Variants in UNC5D observed in about 807,000 individuals in gnomAD.
The protein encoded by UNC5D is netrin receptor UNC5D.
Under a neutral mutation model 105.4 loss-of-function variants are expected in UNC5D, and 39 were observed. That is an observed-to-expected ratio of 0.37 (90% CI 0.29 to 0.48). The LOEUF (loss-of-function observed/expected upper bound fraction) is 0.48, where lower values mean the gene tolerates loss of function less well. Among genes scored for constraint, UNC5D ranks in the 20% least tolerant of loss-of-function variants. UNC5D has a pLI of 0.98. For missense variants in UNC5D, 991 were observed against 1,202.4 expected (o/e 0.82, Z 2.60); for synonymous variants, 452 against 450.4 (o/e 1.00, Z -0.04).
chr8:35,364,218 T>A (rs1473631494), intron 1 of UNC5D, among the ~76,000 whole-genome samples: 1 of 151,724 alleles, frequency 6.6e-6, no homozygotes, highest in Non-Finnish European at 1.5e-5. Context: ...TTTCTATATT[T>A]GTCACTTGGT....
chr8:35,464,012 C>A (rs1404078651), intron 1 of UNC5D, among the ~76,000 whole-genome samples: 1 of 152,152 alleles, frequency 6.6e-6, no homozygotes, highest in Non-Finnish European at 1.5e-5. Flanking sequence ...GATTTCTAAT[C>A]TTATACAGGT....
chr8:35,441,526 C>T (rs757285118), intron 1 of UNC5D, among the ~76,000 whole-genome samples: 1 of 151,774 alleles, frequency 6.6e-6, no homozygotes, highest in Non-Finnish European at 1.5e-5. Flanking sequence ...TAGTCTCCTC[C>T]ACTTCCTTTT....
chr8:35,433,662 A>G (rs1806802773), intron 1 of UNC5D, among the ~76,000 whole-genome samples: 1 of 151,992 alleles, frequency 6.6e-6, no homozygotes, highest in Admixed American at 6.6e-5. Context: ...TTTATAAACC[A>G]TCAGTACTCA....
At chr8:35,710,242 G>A (rs1028336596) in intron 8 of UNC5D, among the ~76,000 whole-genome samples, 1 of 152,136 alleles carries the variant, frequency 6.6e-6, no homozygotes, top group African/African-American at 2.4e-5. Flanking sequence ...GTAAAAATGG[G>A]TCATATTCTG....
chr8:35,271,714 T>C lies in UNC5D; in HGVS notation c.103+35827T>C, dbSNP rs1805391957. On this transcript the variant is annotated intron_variant, in intron 1 of 16. Coordinates refer to ENST00000404895, the MANE Select transcript of UNC5D (RefSeq NM_080872.4). ...ATGTATACATGTATACATATATATT[T>C]ATACATGTATACATGTATACATATA... 8.5e-5 allele frequency among the ~76,000 whole-genome samples: 4 copies of C among 46,834 alleles called. 1 individual carries two copies. The South Asian group carries it at 2.4e-3, about 28-fold the overall frequency. 30.7% of individuals were successfully genotyped at this position (46,834 alleles called of 152,430 possible). A position where few individuals can be genotyped will look rare whatever the true frequency, so the allele number is the denominator to read the frequency against.
Position 35,488,074 on chromosome 8 carries a change from AC to A in UNC5D, c.104-61217del, listed in dbSNP as rs957477840. ...GAGGAATTGATAAGCAAAAATCAGAACATGAAGATTTGGAAAATTCTCAGCC... is the reference window on the plus strand; with the variant it reads ...GAGGAATTGATAAGCAAAAATCAGAAATGAAGATTTGGAAAATTCTCAGCC... On this transcript the variant is annotated intron_variant, in intron 1 of 16. Transcript: ENST00000404895. Among the ~76,000 whole-genome samples, 9 of 152,358 alleles carry A rather than the reference AC, an allele frequency of 5.9e-5. No homozygotes were observed. The East Asian group carries it at 1.7e-3, about 29-fold the overall frequency.
chr8:35,598,096 G>A (rs577817966), intron 4 of UNC5D, among the ~76,000 whole-genome samples: 1 of 152,012 alleles, frequency 6.6e-6, no homozygotes, highest in Non-Finnish European at 1.5e-5. Context: ...TTTCTTAAAG[G>A]CTTACTCAGA....
chr8:35,574,223 C>T (rs73674030), intron 3 of UNC5D, among the ~76,000 whole-genome samples: 2,848 of 105,682 alleles, frequency 0.027, 109 homozygotes, highest in African/African-American at 0.081. Context: ...AACCCTTGGC[C>T]GGGCAAACTT....
chr8:35,511,937 G>A (rs879437786), intron 1 of UNC5D, among the ~76,000 whole-genome samples: 5 of 152,148 alleles, frequency 3.3e-5, no homozygotes, highest in Admixed American at 1.3e-4. Flanking sequence ...CGAAGGTGGA[G>A]ATGGTCTTGA....
chr8:35,253,473 CTTTTTTT>C (rs58063448), intron 1 of UNC5D, among the ~76,000 whole-genome samples: 2 of 99,824 alleles, frequency 2.0e-5, no homozygotes, highest in African/African-American at 7.7e-5. Flanking sequence ...ATTTTATTTC[CTTTTTTT>C]TTTTTTTTTT....
chr8:35,437,008 T>C (rs1807061789), intron 1 of UNC5D, among the ~76,000 whole-genome samples: 1 of 152,014 alleles, frequency 6.6e-6, no homozygotes, highest in South Asian at 2.1e-4. Flanking sequence ...TTTAGTCATT[T>C]TTTTTTTCAT....
At chr8:35,487,288 G>A (rs897573397) in intron 1 of UNC5D, among the ~76,000 whole-genome samples, 4 of 151,184 alleles carry the variant, frequency 2.6e-5, no homozygotes, top group African/African-American at 9.7e-5. Context: ...TTTCTGTGAA[G>A]GTGTGGTTTT....
chr8:35,694,470 G>A (rs1280753404), intron 7 of UNC5D, among the ~76,000 whole-genome samples: 2 of 152,106 alleles, frequency 1.3e-5, no homozygotes, highest in Non-Finnish European at 2.9e-5. Flanking sequence ...GAAGCCTCAG[G>A]GCTCTGCAGT....
chr8:35,786,477 G>A (rs1468583416), intron 16 of UNC5D, among the ~76,000 whole-genome samples: 1 of 152,082 alleles, frequency 6.6e-6, no homozygotes, highest in East Asian at 1.9e-4. Context: ...TCATTCTCCA[G>A]CCCTTCTCTT....
Position 35,463,932 on chromosome 8 carries a change from G to A in UNC5D, c.104-85360G>A, listed in dbSNP as rs561368370. Among the ~76,000 whole-genome samples the A allele has an allele frequency of 5.3e-5, 8 of 152,098 alleles. No homozygotes were observed. The South Asian group carries it at 8.3e-4, about 16-fold the overall frequency. On this transcript the variant is annotated intron_variant, in intron 1 of 16. Transcript: ENST00000404895. ...AATGTAAAGTGCTTAAAAAGTGGGC[G>A]GTAGAAAATGTGCAATAAAAGTTGG... is the stretch of plus-strand genomic sequence containing the variant.
chr8:35,394,939 G>T (rs560523932), intron 1 of UNC5D, among the ~76,000 whole-genome samples: 1 of 152,286 alleles, frequency 6.6e-6, no homozygotes, highest in Admixed American at 6.5e-5. Context: ...CAAGCAGAGT[G>T]CCCAGTGCTT....
At chr8:35,703,223 A>C (rs987961510) in intron 7 of UNC5D, among the ~76,000 whole-genome samples, 3 of 152,000 alleles carry the variant, frequency 2.0e-5, no homozygotes, top group African/African-American at 7.2e-5. Context: ...CATGATAATC[A>C]TAACAGGTTG....
In UNC5D at chr8:35,627,280, C is replaced by T. The variant is rs1821747043; in HGVS notation, c.570+31623C>T. Among the ~76,000 whole-genome samples, 5 of 152,228 alleles carry T rather than the reference C, an allele frequency of 3.3e-5. No homozygotes were observed. The South Asian group carries it at 8.3e-4, about 25-fold the overall frequency. Reference sequence around the variant, plus strand: ...ACCTTTAAGGTAGAGTTCCAACTTCCGAACAATAACGTTCAGACATAATCA... The same window carrying T: ...ACCTTTAAGGTAGAGTTCCAACTTCTGAACAATAACGTTCAGACATAATCA... On this transcript the variant is annotated intron_variant, in intron 4 of 16. Coordinates refer to ENST00000404895, the MANE Select transcript of UNC5D (RefSeq NM_080872.4).
At chr8:35,402,039 G>GTT (rs1284696408) in intron 1 of UNC5D, among the ~76,000 whole-genome samples, 2 of 152,144 alleles carry the variant, frequency 1.3e-5, no homozygotes, top group Non-Finnish European at 1.5e-5. Context: ...GTGCATGATT[G>GTT]TTTTTCTGCT....
Sources: gnomAD v4.1 joint callset for allele counts (sites outside exome capture counted in the v4.1 genomes callset) on GRCh38, gnomAD v4.1.1 for gene constraint, MANE v1.5 for transcripts, NCBI Gene and HGNC (gene_info 2026-07-23, HGNC 2026-07-21) for gene names.